The following RUFY1 variants were observed in gnomAD, a reference collection of about 807,000 sequenced individuals.
The protein encoded by RUFY1 is RUN and FYVE domain containing 1.
In RUFY1, 54 loss-of-function variants were observed where a neutral mutation model predicts 94.6. That is an observed-to-expected ratio of 0.57 (90% CI 0.46 to 0.72). The LOEUF (loss-of-function observed/expected upper bound fraction) is 0.72, where lower values mean the gene tolerates loss of function less well. RUFY1 is among the 30% of genes least tolerant of loss of function. The probability of loss-of-function intolerance (pLI) is 0.00; values close to 1 mark genes in which losing one functional copy is unlikely to be tolerated. For synonymous variants in RUFY1, 396 were observed against 347.3 expected, an observed-to-expected ratio of 1.14 and a Z score of -1.56; for missense variants, 883 against 883.9, an observed-to-expected ratio of 1.00 and a Z score of 0.01.
intron 8 of RUFY1, among the ~76,000 whole-genome samples, chr5:179,587,921 G>A (rs6601053): frequency 0.022 from 3,318 of 151,982 alleles, 54 homozygotes; most frequent in Non-Finnish European, 0.032. Flanking sequence ...CCAGCTACTC[G>A]GGAGGCTGAG....
At chr5:179,604,583 A>ATCCC (rs1277082842) in intron 15 of RUFY1, among the ~76,000 whole-genome samples, 1 of 152,084 alleles carries the variant, frequency 6.6e-6, no homozygotes, top group Non-Finnish European at 1.5e-5. Context: ...CTGTTTTCTA[A>ATCCC]TCCCTCCCTT....
In RUFY1 at chr5:179,583,261, C is replaced by T. The variant is rs1006579367; in HGVS notation, c.956+2249C>T. ...GTTGTGGTGAGCTGAGATTGCGCCA[C>T]TGCACTCCAGCCTGGGTGACAGAGT... On this transcript the variant is annotated intron_variant, in intron 7 of 17. Coordinates refer to ENST00000319449, the MANE Select transcript of RUFY1 (RefSeq NM_025158.5). Among the ~76,000 whole-genome samples, 5 of 150,990 alleles carry T rather than the reference C, an allele frequency of 3.3e-5. No individual in the cohort carries two copies. In the South Asian group the frequency reaches 6.4e-4, roughly 19 times the overall value.
Position 179,562,783 on chromosome 5 carries a change from T to G in RUFY1, c.602+119T>G, listed in dbSNP as rs917016260. 2.1e-5 allele frequency: 14 copies of G among 669,078 alleles called. No individual in the cohort carries two copies. The South Asian group carries it at 2.5e-4, about 12-fold the overall frequency. 41.4% of individuals were successfully genotyped at this position (669,078 alleles called of 1,614,324 possible). ...TTGGAAAGAGCTCTGCTGCTCATTA[T>G]CCACATGATCTCTAGCAAGACTTGA... On this transcript the variant is annotated intron_variant, in intron 3 of 17. Coordinates refer to ENST00000319449, the MANE Select transcript of RUFY1 (RefSeq NM_025158.5).
rs34540241 is a variant in RUFY1, at chr5:179,570,047, A to AT, written c.828+634dup. ...GCGTGAGCCACTGCGCCCGGCCTGT[A>AT]TTTTTTTTTTTTAGTAGAGATGGTG... On this transcript the variant is annotated intron_variant, in intron 5 of 17. Coordinates refer to ENST00000319449, the MANE Select transcript of RUFY1 (RefSeq NM_025158.5). Among the ~76,000 whole-genome samples, 116 of 138,638 alleles carry AT rather than the reference A, an allele frequency of 8.4e-4. 2 individuals are homozygous for AT. Among genetic ancestry groups the AT allele is most frequent in the Middle Eastern group, 3.7e-3 (1 of 268 alleles). The allele number at this position is 138,638 out of a possible 152,430, so 91.0% of individuals were successfully genotyped here. A position where few individuals can be genotyped will look rare whatever the true frequency, so the allele number is the denominator to read the frequency against.
At position 179,594,978 on chromosome 5, in the gene RUFY1, CT is replaced by C. The variant is rs770483961; in HGVS notation, c.1511+16del. On this transcript the variant is annotated intron_variant, in intron 12 of 17. Transcript: ENST00000319449. Reference sequence around the variant, plus strand: ...ATGGAAGAAAGGTAATCACTTCCCCCTGGCAGATATTCTCGGGAAGGCTCTG... The same window carrying C: ...ATGGAAGAAAGGTAATCACTTCCCCCGGCAGATATTCTCGGGAAGGCTCTG... 2.6e-6 allele frequency: 4 copies of C among 1,548,598 alleles called. No homozygotes were observed. Among genetic ancestry groups the C allele is most frequent in the African/African-American group, 1.4e-5 (1 of 73,488 alleles).
chr5:179,585,062 T>TG (rs1167846077), intron 7 of RUFY1, among the ~76,000 whole-genome samples: 1 of 151,590 alleles, frequency 6.6e-6, no homozygotes, highest in African/African-American at 2.4e-5. Flanking sequence ...ACCCAGGAGG[T>TG]GGAGGTTCCA....
At chr5:179,574,349 C>T (rs182065516) in intron 5 of RUFY1, among the ~76,000 whole-genome samples, 2 of 152,026 alleles carry the variant, frequency 1.3e-5, no homozygotes, top group Non-Finnish European at 2.9e-5. Flanking sequence ...GAGCTGAGAC[C>T]GTGCCACTGC....
At chr5:179,559,768 G>T in intron 1 of RUFY1, 3 of 1,197,476 alleles carry the variant, frequency 2.5e-6, no homozygotes, top group Non-Finnish European at 3.1e-6. Flanking sequence ...AACGCGCGGA[G>T]CCGTCTGGGA....
chr5:179,582,218 A>G (rs980220035), intron 7 of RUFY1, among the ~76,000 whole-genome samples: 5 of 152,012 alleles, frequency 3.3e-5, no homozygotes, highest in African/African-American at 1.2e-4. Flanking sequence ...CCACTTGATC[A>G]TAATATTTTT....
chr5:179,567,396 T>C (rs1762907587), intron 3 of RUFY1, 65 bp from the exon 4 acceptor site: 1 of 1,173,996 alleles, frequency 8.5e-7, no homozygotes, highest in Non-Finnish European at 1.3e-6. Flanking sequence ...CCTGGCTAAA[T>C]CAGGTGTCTT....
chr5:179,557,533 A>T (rs185164517), intron 1 of RUFY1, among the ~76,000 whole-genome samples: 1 of 152,322 alleles, frequency 6.6e-6, no homozygotes, highest in Non-Finnish European at 1.5e-5. Flanking sequence ...ACATCTGAGT[A>T]TTGCTTATTT....
At chr5:179,586,442 G>C in intron 8 of RUFY1, 1 of 456,594 alleles carries the variant, frequency 2.2e-6, no homozygotes, top group South Asian at 1.5e-5. Context: ...GTTAGCAGGA[G>C]GGGGGTGCTC....
chr5:179,592,126 G>GTT (rs374079285), intron 10 of RUFY1, among the ~76,000 whole-genome samples: 1 of 147,538 alleles, frequency 6.8e-6, no homozygotes, highest in Non-Finnish European at 1.5e-5. Context: ...TTGGTTTTTG[G>GTT]TTTTTTTTTT....
chr5:179,587,052 G>T (rs1764661079), intron 8 of RUFY1, among the ~76,000 whole-genome samples: 2 of 152,268 alleles, frequency 1.3e-5, no homozygotes, highest in South Asian at 2.1e-4. Context: ...GCAGAGTTAT[G>T]TGGGGTTTTT....
chr5:179,556,973 GTTATATGCCCCAAATCACACTGATC>G (rs1762144758), intron 1 of RUFY1, among the ~76,000 whole-genome samples: 1 of 152,104 alleles, frequency 6.6e-6, no homozygotes, highest in South Asian at 2.1e-4. Context: ...CTCTTTCCAA[GTTATATGCCCCAAATCACACTGATC>G]TAAAGCCAAA....
chr5:179,593,772 G>T, intron 11 of RUFY1, 127 bp downstream of exon 11: 1 of 1,391,592 alleles, frequency 7.2e-7, no homozygotes, highest in Middle Eastern at 2.3e-4. Context: ...CTGCTCCTAG[G>T]ACCTATTATG....
Position 179,595,783 on chromosome 5 carries a change from C to T in RUFY1, c.1512-779C>T, listed in dbSNP as rs1406505460. 2.6e-5 allele frequency: 4 copies of T among 152,380 alleles called. No individual in the cohort carries two copies. In the East Asian group the frequency reaches 7.7e-4, roughly 29 times the overall value. The allele number at this position is 152,380 out of a possible 1,614,324, so 9.4% of individuals were successfully genotyped here. A position where few individuals can be genotyped will look rare whatever the true frequency, so the allele number is the denominator to read the frequency against. The stretch of plus-strand genomic sequence containing the variant: ...CAGGCTGGTCTCGAACTCCCGACCT[C>T]AGGTGATCTGCCCACCTAGGCCTCC... On this transcript the variant is annotated intron_variant, in intron 12 of 17. Transcript: ENST00000319449.
chr5:179,594,299 C>CG (rs200617223), intron 11 of RUFY1, among the ~76,000 whole-genome samples: 298 of 142,634 alleles, frequency 2.1e-3, no homozygotes, highest in Middle Eastern at 3.6e-3. Context: ...AACTCCAACT[C>CG]GGGGGAAAAA....
At chr5:179,607,913 T>C (rs927785137) in intron 17 of RUFY1, among the ~76,000 whole-genome samples, 1 of 152,192 alleles carries the variant, frequency 6.6e-6, no homozygotes. Context: ...TTGACAATGA[T>C]TTTTGGGGAG....
Sources: allele counts gnomAD v4.1 joint callset (sites outside exome capture counted in the v4.1 genomes callset), GRCh38; gene constraint gnomAD v4.1.1; transcripts MANE v1.5; gene names NCBI Gene and HGNC (gene_info 2026-07-23, HGNC 2026-07-21).